The following KDM4C variants were observed in gnomAD, a reference collection of about 807,000 sequenced individuals.
KDM4C encodes lysine demethylase 4C.
A neutral mutation model predicts 129.3 loss-of-function variants in KDM4C; 81 were observed. The observed-to-expected ratio is 0.63, with a 90% CI of 0.52 to 0.75. The LOEUF (loss-of-function observed/expected upper bound fraction) is 0.75. KDM4C is among the 30% of genes least tolerant of loss of function. KDM4C has a pLI of 0.00. For missense variants in KDM4C, 1,457 were observed against 1,304.0 expected, an observed-to-expected ratio of 1.12 and a Z score of -1.81; for synonymous variants, 573 against 456.1, an observed-to-expected ratio of 1.26 and a Z score of -3.26.
intron 1 of KDM4C, among the ~76,000 whole-genome samples, chr9:6,725,762 T>G (rs889691913): frequency 1.3e-3 from 196 of 149,160 alleles, no homozygotes; most frequent in Non-Finnish European, 2.4e-3. Context: ...CAGGCTGGAG[T>G]GCAGTGGTGC....
intron 1 of KDM4C, among the ~76,000 whole-genome samples, chr9:6,752,476 T>A (rs1818106637): frequency 6.7e-6 from 1 of 148,574 alleles, no homozygotes; most frequent in Non-Finnish European, 1.5e-5. Context: ...AATGGCATGA[T>A]CTCGGCTTAC....
At chr9:6,791,783 G>A (rs994312291) in intron 1 of KDM4C, among the ~76,000 whole-genome samples, 7 of 152,172 alleles carry the variant, frequency 4.6e-5, no homozygotes, top group Admixed American at 2.6e-4. Context: ...AGCACTTTGG[G>A]AGGCCAAGGC....
intron 1 of KDM4C, among the ~76,000 whole-genome samples, chr9:6,741,894 AC>A (rs1817710997): frequency 7.8e-5 from 2 of 25,786 alleles, no homozygotes; most frequent in African/African-American, 4.2e-4. Flanking sequence ...ATGTTGTTAC[AC>A]ACACACACAC....
chr9:7,054,930 G>C (rs572343081), intron 17 of KDM4C, among the ~76,000 whole-genome samples: 1 of 152,082 alleles, frequency 6.6e-6, no homozygotes, highest in Non-Finnish European at 1.5e-5. Flanking sequence ...TCAATGCAGC[G>C]GATGTCTGTT....
chr9:6,834,275 A>G (rs1835447403), intron 4 of KDM4C, among the ~76,000 whole-genome samples: 1 of 152,018 alleles, frequency 6.6e-6, no homozygotes, highest in Non-Finnish European at 1.5e-5. Flanking sequence ...GAGCTCAAGC[A>G]ATCTGCTCGC....
Position 6,991,973 on chromosome 9 carries a change from A to G in KDM4C, c.1786+1449A>G, listed in dbSNP as rs150328690. On this transcript the variant is annotated intron_variant, in intron 12 of 21. Coordinates refer to ENST00000381309, the MANE Select transcript of KDM4C (RefSeq NM_015061.6). ...TGATTCAAGTAATAGAAGTAATGAA[A>G]CATATTTGCATTGATTTCCATATAT... Among the ~76,000 whole-genome samples, 562 of 152,330 alleles carry G rather than the reference A, an allele frequency of 3.7e-3. 5 individuals are homozygous for G. The highest frequency in any genetic ancestry group is 0.013 in the African/African-American group (548 of 41,588).
intron 8 of KDM4C, among the ~76,000 whole-genome samples, chr9:6,973,096 G>GTT (rs1007574077): frequency 2.0e-5 from 3 of 152,212 alleles, no homozygotes; most frequent in African/African-American, 7.2e-5. Flanking sequence ...TAGTACTACT[G>GTT]TTTTTATGGA....
chr9:6,787,414 G>A lies in KDM4C; in HGVS notation c.-17-5558G>A, dbSNP rs554979882. Among the ~76,000 whole-genome samples, 5 of 152,298 alleles carry A rather than the reference G, an allele frequency of 3.3e-5. No homozygotes were observed. In the East Asian group the frequency reaches 9.6e-4, roughly 29 times the overall value. ...CACCTGGCTAATTTTTGTATTTTTA[G>A]TAGAGACAGGGTTTTGCCATGTTGG... On this transcript the variant is annotated intron_variant, in intron 1 of 21. Coordinates refer to ENST00000381309, the MANE Select transcript of KDM4C (RefSeq NM_015061.6).
At chr9:7,143,939 G>A (rs1162633731) in intron 19 of KDM4C, among the ~76,000 whole-genome samples, 1 of 152,156 alleles carries the variant, frequency 6.6e-6, no homozygotes, top group East Asian at 1.9e-4. Flanking sequence ...CTAAAAGGAA[G>A]GACATGTTAA....
At chr9:6,985,558 G>A (rs1225444966) in intron 10 of KDM4C, among the ~76,000 whole-genome samples, 1 of 152,228 alleles carries the variant, frequency 6.6e-6, no homozygotes, top group East Asian at 1.9e-4. Context: ...TGGCAAAGGT[G>A]ATATCTGAAT....
At chr9:6,798,451 A>G (rs557398330) in intron 2 of KDM4C, among the ~76,000 whole-genome samples, 2 of 152,016 alleles carry the variant, frequency 1.3e-5, no homozygotes, top group Non-Finnish European at 2.9e-5. Context: ...CTTAACGAGC[A>G]TGCTGCCTTC....
At chr9:7,095,495 G>C (rs1836314468) in intron 17 of KDM4C, among the ~76,000 whole-genome samples, 1 of 151,170 alleles carries the variant, frequency 6.6e-6, no homozygotes. Context: ...AATCATACCT[G>C]ATATTCATAA....
At chr9:6,894,840 A>G (rs1464655216) in intron 8 of KDM4C, among the ~76,000 whole-genome samples, 1 of 152,178 alleles carries the variant, frequency 6.6e-6, no homozygotes, top group Non-Finnish European at 1.5e-5. Context: ...CTGACAACCA[A>G]GTTTTCTTCT....
At chr9:6,855,576 C>T (rs912336701) in intron 5 of KDM4C, among the ~76,000 whole-genome samples, 1 of 151,914 alleles carries the variant, frequency 6.6e-6, no homozygotes, top group Non-Finnish European at 1.5e-5. Context: ...CAGATGCTCC[C>T]ATTGGATGTC....
At chr9:6,762,310 C>T (rs1432688044) in intron 1 of KDM4C, among the ~76,000 whole-genome samples, 4 of 150,920 alleles carry the variant, frequency 2.7e-5, no homozygotes, top group African/African-American at 9.7e-5. Context: ...CATGTGTTCT[C>T]ATTGTTCCTT....
At chr9:7,013,752 T>G (rs1369729040) in intron 13 of KDM4C, 36 bp from the exon 14 acceptor site, 2 of 1,595,214 alleles carry the variant, frequency 1.3e-6, no homozygotes, top group Admixed American at 3.4e-5. Context: ...CTCTTTTCCA[T>G]GTTTTTCACT....
chr9:7,031,130 G>GTTTGTTTGTTTATTTA (rs376556912), intron 15 of KDM4C, among the ~76,000 whole-genome samples: 18 of 141,162 alleles, frequency 1.3e-4, no homozygotes, highest in South Asian at 4.5e-4. Context: ...TATTTTACTT[G>GTTTGTTTGTTTATTTA]TTTATTTATT....
intron 17 of KDM4C, among the ~76,000 whole-genome samples, chr9:7,085,653 C>T (rs756054106): frequency 1.4e-4 from 22 of 152,132 alleles, no homozygotes; most frequent in Middle Eastern, 3.4e-3. Flanking sequence ...CTCATAGGAG[C>T]GAGAGGGTTT....
intron 8 of KDM4C, among the ~76,000 whole-genome samples, chr9:6,931,783 G>C (rs913046537): frequency 6.6e-6 from 1 of 152,216 alleles, no homozygotes; most frequent in Non-Finnish European, 1.5e-5. Context: ...TTACAGGCAT[G>C]AGCCACCATC....
Sources: allele counts gnomAD v4.1 joint callset (sites outside exome capture counted in the v4.1 genomes callset), GRCh38; gene constraint gnomAD v4.1.1; transcripts MANE v1.5; gene names NCBI Gene and HGNC (gene_info 2026-07-23, HGNC 2026-07-21).